MXI1: variants seen among roughly 807,000 people sequenced by gnomAD.
The protein encoded by MXI1 is max-interacting protein 1.
A neutral mutation model predicts 36.9 loss-of-function variants in MXI1; 18 were observed. The ratio of observed to expected loss-of-function variants is 0.49; its 90% CI spans 0.34 to 0.72. The LOEUF is 0.72. Ranked by LOEUF, MXI1 falls within the 30% of genes least tolerant of loss-of-function variation. The pLI, the probability that MXI1 is intolerant of heterozygous loss-of-function variation, is 0.01. For missense variants in MXI1, 304 were observed against 379.1 expected, an observed-to-expected ratio of 0.80 and a Z score of 1.64; for synonymous variants, 160 against 146.7, an observed-to-expected ratio of 1.09 and a Z score of -0.65.
At chr10:110,217,969 A>G (rs902608183) in intron 1 of MXI1, among the ~76,000 whole-genome samples, 2 of 152,188 alleles carry the variant, frequency 1.3e-5, no homozygotes, top group Non-Finnish European at 2.9e-5. Context: ...TCCAATATGC[A>G]GGTGCTATAA....
intron 3 of MXI1, among the ~76,000 whole-genome samples, chr10:110,271,147 A>T (rs1856839806): frequency 6.6e-6 from 1 of 151,314 alleles, no homozygotes; most frequent in Non-Finnish European, 1.5e-5. Context: ...ACTGTTGGTT[A>T]CTCTACATGT....
At chr10:110,235,181 T>C (rs1855412990) in intron 2 of MXI1, among the ~76,000 whole-genome samples, 1 of 152,204 alleles carries the variant, frequency 6.6e-6, no homozygotes, top group African/African-American at 2.4e-5. Context: ...TCATACTCTT[T>C]GACTAACAGC....
intron 2 of MXI1, among the ~76,000 whole-genome samples, chr10:110,235,409 C>T (rs1014787890): frequency 6.6e-6 from 1 of 152,004 alleles, no homozygotes; most frequent in African/African-American, 2.4e-5. Context: ...TAAGCTTGGC[C>T]GGGCACAGTG....
At chr10:110,243,229 A>G (rs1855738314) in intron 2 of MXI1, among the ~76,000 whole-genome samples, 1 of 152,034 alleles carries the variant, frequency 6.6e-6, no homozygotes, top group African/African-American at 2.4e-5. Flanking sequence ...CTGTGCTTTT[A>G]TAGTTTCTTC....
chr10:110,284,657 C>CA (rs1379588144), intron 5 of MXI1, among the ~76,000 whole-genome samples, 167 bp from the exon 6 acceptor site: 6 of 152,138 alleles, frequency 3.9e-5, no homozygotes, highest in African/African-American at 1.2e-4. Flanking sequence ...TTCCCCTTGG[C>CA]AAAAAATATT....
rs60831569 is a variant in MXI1 at position 110,283,779 on chromosome 10, AT to A, written c.725-1034del. Among the ~76,000 whole-genome samples, 167 of 147,244 alleles carry A rather than the reference AT, an allele frequency of 1.1e-3. 2 individuals are homozygous for A. The highest frequency in any genetic ancestry group is 3.2e-3 in the African/African-American group (128 of 40,244). On this transcript the variant is annotated intron_variant, in intron 5 of 5. Coordinates refer to ENST00000332674, the MANE Select transcript of MXI1 (RefSeq NM_130439.3). ...GAATATCTAGTATTTAACAATTAAG[AT>A]TTTTTTTTTTATTTTTAAGAGACAG...
At chr10:110,273,137 T>A (rs1856912758) in intron 3 of MXI1, among the ~76,000 whole-genome samples, 1 of 138,142 alleles carries the variant, frequency 7.2e-6, no homozygotes, top group African/African-American at 2.7e-5. Context: ...AACCTCCGCC[T>A]CCCAGTTTCA....
At chr10:110,260,913 G>A (rs1856490746) in intron 3 of MXI1, 1 of 779,228 alleles carries the variant, frequency 1.3e-6, no homozygotes. Context: ...CCACTTTTTT[G>A]TATTCTCTGA....
At chr10:110,279,806 C>A in intron 4 of MXI1, 108 bp from the exon 5 acceptor site, 1 of 671,250 alleles carries the variant, frequency 1.5e-6, no homozygotes, top group Non-Finnish European at 2.3e-6. Context: ...TATTTTTATA[C>A]ACACTCACAC....
rs1857429484 is a variant in MXI1 at position 110,286,542 on chromosome 10, TGG to T, written c.*1556_*1557del. ...TTTCATAACTTATTGCTGATTTTAA[TGG>T]ATTGTTAATTTCAGTCCTGTAGTTT... is the stretch of plus-strand genomic sequence containing the variant. On this transcript the variant is annotated 3_prime_UTR_variant, in exon 6 of 6. Coordinates refer to ENST00000332674, the MANE Select transcript of MXI1 (RefSeq NM_130439.3). 2 of 152,086 alleles carry T rather than the reference TGG, an allele frequency of 1.3e-5. No individual in the cohort carries two copies. The highest frequency in any genetic ancestry group is 4.8e-5 in the African/African-American group (2 of 41,382). The allele number at this position is 152,086 out of a possible 1,614,324, so 9.4% of individuals were successfully genotyped here.
chr10:110,266,461 G>T (rs996527391), intron 3 of MXI1, among the ~76,000 whole-genome samples: 1 of 152,070 alleles, frequency 6.6e-6, no homozygotes, highest in Non-Finnish European at 1.5e-5. Context: ...TGTCTACAAT[G>T]GTTCTCCCTC....
intron 3 of MXI1, among the ~76,000 whole-genome samples, chr10:110,263,028 A>G (rs929056744): frequency 2.0e-5 from 3 of 152,102 alleles, no homozygotes; most frequent in Non-Finnish European, 4.4e-5. Context: ...TATATATTCC[A>G]TGAGGGCAGA....
At chr10:110,234,821 A>C (rs1009228410) in intron 2 of MXI1, among the ~76,000 whole-genome samples, 1 of 152,138 alleles carries the variant, frequency 6.6e-6, no homozygotes, top group African/African-American at 2.4e-5. Context: ...TAACCTTCAA[A>C]ATTCTCTGTA....
chr10:110,278,758 G>C (rs1468872472), intron 3 of MXI1, among the ~76,000 whole-genome samples: 5 of 151,942 alleles, frequency 3.3e-5, no homozygotes. Flanking sequence ...GTAAAAGGTG[G>C]GAGGGGGGAA....
At chr10:110,270,442 T>C (rs539191116) in intron 3 of MXI1, among the ~76,000 whole-genome samples, 1 of 136,544 alleles carries the variant, frequency 7.3e-6, no homozygotes, top group Non-Finnish European at 1.7e-5. Flanking sequence ...TTTAATTATT[T>C]TTTTTTTTTT....
rs1371383156 is a variant in MXI1, at chr10:110,278,676, G to T, written c.438-504G>T. ...TATAACAACATGTAACACACTGTAG[G>T]ATGGCTACAGTTGTAGAGAGGTAGG... On this transcript the variant is annotated intron_variant, in intron 3 of 5. Coordinates refer to ENST00000332674, the MANE Select transcript of MXI1 (RefSeq NM_130439.3). 2.7e-5 allele frequency among the ~76,000 whole-genome samples: 4 copies of T among 150,722 alleles called. No individual in the cohort carries two copies. The Admixed American group carries it at 2.7e-4, about 10-fold the overall frequency.
intron 3 of MXI1, among the ~76,000 whole-genome samples, chr10:110,268,295 T>C (rs1385349263): frequency 1.3e-5 from 2 of 152,204 alleles, no homozygotes; most frequent in African/African-American, 4.8e-5. Context: ...CTTAGAAAAC[T>C]GTAATGGTAT....
chr10:110,214,237 T>C (rs1242370700), intron 1 of MXI1, among the ~76,000 whole-genome samples: 1 of 152,212 alleles, frequency 6.6e-6, no homozygotes, highest in African/African-American at 2.4e-5. Context: ...AGAGCTGGTA[T>C]TTGAAACACC....
chr10:110,235,004 T>C (rs1377091488), intron 2 of MXI1, among the ~76,000 whole-genome samples: 3 of 152,198 alleles, frequency 2.0e-5, no homozygotes, highest in Non-Finnish European at 4.4e-5. Flanking sequence ...CAATTAATAC[T>C]AAATAGCTTA....
Sources: gnomAD v4.1 joint callset for allele counts (sites outside exome capture counted in the v4.1 genomes callset) on GRCh38, gnomAD v4.1.1 for gene constraint, MANE v1.5 for transcripts, NCBI Gene and HGNC (gene_info 2026-07-23, HGNC 2026-07-21) for gene names.